Variants in CAPN10 observed in about 807,000 individuals in gnomAD.
The protein encoded by CAPN10 is calpain-10.
In CAPN10, 71 loss-of-function variants were observed where a neutral mutation model predicts 78.4. The observed-to-expected ratio is 0.91, with a 90% CI of 0.75 to 1.10. The LOEUF (loss-of-function observed/expected upper bound fraction) is 1.10, where lower values mean the gene tolerates loss of function less well. Among genes scored for constraint, CAPN10 ranks in the 50% least tolerant of loss-of-function variants. The pLI is 0.00. For synonymous variants in CAPN10, 437 were observed against 407.2 expected (o/e 1.07, Z -0.88); for missense variants, 849 against 924.6 (o/e 0.92, Z 1.06).
At chr2:240,589,824 G>T in intron 2 of CAPN10, 1 of 239,860 alleles carries the variant, frequency 4.2e-6, no homozygotes. Flanking sequence ...CTCTGCCTCA[G>T]ATCTCTCCTC....
chr2:240,591,413 G>T (rs1018913607), intron 3 of CAPN10: 5 of 228,502 alleles, frequency 2.2e-5, no homozygotes, highest in Non-Finnish European at 4.3e-5. Flanking sequence ...TGTGTATCAC[G>T]GTGCTTGCTG....
At chr2:240,593,757 G>A (rs886534506) in intron 4 of CAPN10, 149 bp from the exon 5 acceptor site, 9 of 858,886 alleles carry the variant, frequency 1.0e-5, no homozygotes, top group South Asian at 9.5e-5. Flanking sequence ...AGGAGCTCTC[G>A]TGGTCCATGG....
chr2:240,586,862 G>A lies in CAPN10; in HGVS notation c.-50G>A. On this transcript the variant is annotated 5_prime_UTR_variant, in exon 1 of 12. Coordinates refer to ENST00000391984, the MANE Select transcript of CAPN10 (RefSeq NM_023083.4). Reference sequence around the variant, plus strand: ...GCGGCTGACTCGCCTTCTCTCCGGGGCTGCGACCCCGAGGCAACCGGCTGC... The same window carrying A: ...GCGGCTGACTCGCCTTCTCTCCGGGACTGCGACCCCGAGGCAACCGGCTGC... 2.3e-6 allele frequency: 3 copies of A among 1,331,416 alleles called. No individual in the cohort carries two copies. The highest frequency in any genetic ancestry group is 3.1e-5 in the East Asian group (1 of 32,066). 82.5% of individuals were successfully genotyped at this position (1,331,416 alleles called of 1,614,324 possible). A position where few individuals can be genotyped will look rare whatever the true frequency, so the allele number is the denominator to read the frequency against.
intron 1 of CAPN10, 107 bp downstream of exon 1, chr2:240,587,159 TC>T: frequency 1.7e-6 from 1 of 574,066 alleles, no homozygotes; most frequent in Non-Finnish European, 2.7e-6. Flanking sequence ...GAACGCAGGG[TC>T]CGCCGTTGTT....
intron 3 of CAPN10, chr2:240,591,282 C>T: frequency 2.4e-6 from 1 of 413,666 alleles, no homozygotes; most frequent in South Asian, 4.7e-5. Flanking sequence ...TGCCGTCCTC[C>T]TTATTTTATC....
At position 240,596,534 on chromosome 2, in the gene CAPN10, G is replaced by C. The variant is rs202074382; in HGVS notation, c.1481+13G>C. The C allele has an allele frequency of 1.3e-5, 21 of 1,588,984 alleles. No homozygotes were observed. The highest frequency in any genetic ancestry group is 1.7e-5 in the Non-Finnish European group (20 of 1,163,466). ...GAGTCTCCCTTAGGTGAGAGGAACC[G>C]CGCAGTGCTGCTGGCTCTCCGAGGC... On this transcript the variant is annotated intron_variant, in intron 8 of 11. Transcript: ENST00000391984.
At chr2:240,598,229 C>A in intron 10 of CAPN10, 123 bp from the exon 11 acceptor site, 1 of 1,414,736 alleles carries the variant, frequency 7.1e-7, no homozygotes. Context: ...TCCTGCCTAC[C>A]TGGGGACCCT....
intron 3 of CAPN10, chr2:240,591,598 G>A (rs1471007977): frequency 1.3e-5 from 5 of 378,886 alleles, no homozygotes; most frequent in African/African-American, 8.2e-5. Context: ...CCCAAGGGCT[G>A]TTTTAGGAAA....
At position 240,587,034 on chromosome 2, in the gene CAPN10, C is replaced by G; in HGVS notation, c.123C>G (p.Ile41Met). The change falls in exon 1 of 12, where the codon ATC becomes ATG. Residue 41 changes from isoleucine to methionine, a missense_variant. Transcript: ENST00000391984. ...CGCTGGCCCAGTTCCGCGAGGACAT[C>G]ACGTGGAGGCGGCCCCAGGTGGGGC... is the stretch of plus-strand genomic sequence containing the variant. ...STPLAQFRED[I>M]TWRRPQEICA... The G allele has an allele frequency of 6.9e-7, 1 of 1,448,662 alleles. No homozygotes were observed. The highest frequency in any genetic ancestry group is 1.5e-5 in the African/African-American group (1 of 67,724). 89.7% of individuals were successfully genotyped at this position (1,448,662 alleles called of 1,614,324 possible).
chr2:240,596,910 G>A lies in CAPN10; in HGVS notation c.1711G>A (p.Glu571Lys), dbSNP rs367830435. 1.9e-5 allele frequency: 30 copies of A among 1,613,472 alleles called. No individual in the cohort carries two copies. Among genetic ancestry groups the A allele is most frequent in the African/African-American group, 2.7e-5 (2 of 74,950 alleles). The change falls in exon 9 of 12, where the codon GAG (glutamate) becomes AAG (lysine). Residue 571 changes from glutamate to lysine, a missense_variant. Glu to Lys is a moderately conservative substitution (Grantham distance 56, BLOSUM62 1). Transcript: ENST00000391984. ...TCAGCACTGCCGGCCCAGTGACACCGAGTTCCACCCCATCGGCTTCCATAT... is the reference window on the plus strand; with the variant it reads ...TCAGCACTGCCGGCCCAGTGACACCAAGTTCCACCCCATCGGCTTCCATAT... Reference protein sequence around the residue: ...LHQHCRPSDTEFHPIGFHIFQ... With the variant: ...LHQHCRPSDTKFHPIGFHIFQ...
intron 1 of CAPN10, among the ~76,000 whole-genome samples, chr2:240,588,045 G>T (rs7596933): frequency 0.13 from 19,400 of 152,140 alleles, 1,460 homozygotes; most frequent in South Asian, 0.19. Flanking sequence ...TACCTTGCAG[G>T]GGGGATCGAG....
intron 4 of CAPN10, among the ~76,000 whole-genome samples, chr2:240,593,105 C>T (rs1265138036): frequency 6.6e-6 from 1 of 152,210 alleles, no homozygotes; most frequent in African/African-American, 2.4e-5. Flanking sequence ...GGACGCTGGC[C>T]TCAGAGCCTC....
At position 240,598,765 on chromosome 2, in the gene CAPN10, T is replaced by C. The variant is rs1265753460; in HGVS notation, c.*85T>C. The stretch of plus-strand genomic sequence containing the variant: ...GCAGCTGGGCCGGCCAGCCTTGCAC[T>C]GTGGGGGCTGGTCCTGAGTCTTGGC... On this transcript the variant is annotated 3_prime_UTR_variant, in exon 12 of 12. Transcript: ENST00000391984. 1.5e-6 allele frequency: 2 copies of C among 1,296,300 alleles called. No individual in the cohort carries two copies. Among genetic ancestry groups the C allele is most frequent in the East Asian group, 2.5e-5 (1 of 39,884 alleles). The allele number at this position is 1,296,300 out of a possible 1,614,324, so 80.3% of individuals were successfully genotyped here.
chr2:240,594,097 C>A, intron 5 of CAPN10, 50 bp downstream of exon 5: 1 of 1,508,540 alleles, frequency 6.6e-7, no homozygotes, highest in Non-Finnish European at 8.9e-7. Context: ...GGGCCCAGTG[C>A]CAGTCTGGCC....
intron 3 of CAPN10, 95 bp from the exon 4 acceptor site, chr2:240,591,838 G>A (rs2093103576): frequency 3.7e-6 from 4 of 1,087,104 alleles, no homozygotes; most frequent in East Asian, 2.5e-5. Context: ...TTGAGGCAGC[G>A]GTTGGACGAT....
At chr2:240,595,411 C>A in intron 7 of CAPN10, 107 bp downstream of exon 7, 1 of 1,220,016 alleles carries the variant, frequency 8.2e-7, no homozygotes, top group Non-Finnish European at 1.1e-6. Flanking sequence ...GACTCTGCCA[C>A]GGGCCCCACC....
chr2:240,594,742 C>T, intron 6 of CAPN10, 33 bp downstream of exon 6: 1 of 1,592,892 alleles, frequency 6.3e-7, no homozygotes, highest in Non-Finnish European at 8.6e-7. Flanking sequence ...TGGGCACGTG[C>T]TCTGCCTGCC....
intron 2 of CAPN10, 114 bp from the exon 3 acceptor site, chr2:240,590,701 G>A (rs1311486033): frequency 1.1e-6 from 1 of 872,152 alleles, no homozygotes; most frequent in African/African-American, 1.7e-5. Flanking sequence ...GTTCTCTGCA[G>A]ACCGCGGTGC....
intron 5 of CAPN10, 167 bp downstream of exon 5, chr2:240,594,214 C>A: frequency 1.3e-6 from 1 of 748,670 alleles, no homozygotes; most frequent in Non-Finnish European, 2.0e-6. Context: ...CCAGGCAATC[C>A]TTGTGAGGCC....
Sources: allele counts gnomAD v4.1 joint callset (sites outside exome capture counted in the v4.1 genomes callset), GRCh38; gene constraint gnomAD v4.1.1; transcripts MANE v1.5; gene names NCBI Gene and HGNC (gene_info 2026-07-23, HGNC 2026-07-21).